Variants in EHMT1 observed in about 807,000 individuals in gnomAD.
EHMT1 encodes euchromatic histone lysine methyltransferase 1, also known as histone-lysine N-methyltransferase EHMT1.
Under a neutral mutation model 147.2 loss-of-function variants are expected in EHMT1, and 15 were observed. That is an observed-to-expected ratio of 0.10 (90% CI 0.07 to 0.16). The LOEUF (loss-of-function observed/expected upper bound fraction) is 0.16. EHMT1 is among the 10% of genes least tolerant of loss of function. The pLI is 1.00. For missense variants in EHMT1, 1,587 were observed against 1,772.4 expected, an observed-to-expected ratio of 0.90 and a Z score of 1.88; for synonymous variants, 795 against 709.6, an observed-to-expected ratio of 1.12 and a Z score of -1.91.
At chr9:137,768,801 C>T (rs1950410954) in intron 10 of EHMT1, among the ~76,000 whole-genome samples, 1 of 151,814 alleles carries the variant, frequency 6.6e-6, no homozygotes, top group South Asian at 2.1e-4. Context: ...CCGCCCGCCT[C>T]GGCCTCCCAA....
At position 137,716,899 on chromosome 9, in the gene EHMT1, T is replaced by G. The variant is rs1405197577; in HGVS notation, c.359T>G (p.Ile120Ser). The change falls in exon 3 of 27, where the codon ATC becomes AGC. Residue 120 changes from isoleucine to serine, a missense_variant. Transcript: ENST00000460843. ...TADDFVQTSV[I>S]GSNGYILNKP... is the part of the protein sequence containing the mutation. The stretch of plus-strand genomic sequence containing the variant: ...GACGACTTTGTGCAGACTTCTGTCA[T>G]CGGCAGCAACGGATACATCTTAAAT... The G allele has an allele frequency of 6.2e-7, 1 of 1,613,100 alleles. No homozygotes were observed. The highest frequency in any genetic ancestry group is 8.5e-7 in the Non-Finnish European group (1 of 1,179,860).
chr9:137,762,984 T>G, intron 10 of EHMT1, 164 bp downstream of exon 10: 3 of 857,680 alleles, frequency 3.5e-6, no homozygotes, highest in Non-Finnish European at 5.7e-6. Flanking sequence ...AACAGTGAAA[T>G]CACGGCAGAT....
At chr9:137,792,213 A>C (rs1952579810) in intron 16 of EHMT1, 3 of 408,402 alleles carry the variant, frequency 7.3e-6, no homozygotes, top group African/African-American at 2.1e-5. Flanking sequence ...GCATAAAGAC[A>C]GAAATAGAGA....
intron 14 of EHMT1, among the ~76,000 whole-genome samples, chr9:137,780,987 G>C (rs1201300167): frequency 8.2e-6 from 1 of 121,884 alleles, no homozygotes; most frequent in Non-Finnish European, 1.7e-5. Context: ...GATGACGCTG[G>C]GATGTGTGGT....
chr9:137,683,416 C>T (rs890611538), intron 1 of EHMT1, among the ~76,000 whole-genome samples: 1 of 152,170 alleles, frequency 6.6e-6, no homozygotes, highest in African/African-American at 2.4e-5. Context: ...CATGTATAAC[C>T]TTCCAAACAT....
chr9:137,798,692 T>C, intron 16 of EHMT1, 121 bp from the exon 17 acceptor site: 1 of 836,216 alleles, frequency 1.2e-6, no homozygotes, highest in Non-Finnish European at 2.1e-6. Context: ...TCCTTGTCAT[T>C]TGAGCAGGAC....
intron 1 of EHMT1, among the ~76,000 whole-genome samples, chr9:137,705,145 ACTC>A (rs1201392249): frequency 2.0e-5 from 3 of 151,684 alleles, no homozygotes; most frequent in African/African-American, 7.3e-5. Context: ...GTGTGCCACC[ACTC>A]CTAGCTAATT....
At position 137,679,906 on chromosome 9, in the gene EHMT1, A is replaced by T. The variant is rs530049990; in HGVS notation, c.22-31061A>T. On this transcript the variant is annotated intron_variant, in intron 1 of 26. Transcript: ENST00000460843. Reference sequence around the variant, plus strand: ...GGTATTTTTTCCTGCTGTTTTTGTGATTTATTGTTTTATGATTCTTTCACT... The same window carrying T: ...GGTATTTTTTCCTGCTGTTTTTGTGTTTTATTGTTTTATGATTCTTTCACT... Among the ~76,000 whole-genome samples the T allele has an allele frequency of 2.6e-5, 4 of 151,748 alleles. No individual in the cohort carries two copies. In the East Asian group the frequency reaches 7.8e-4, roughly 29 times the overall value.
intron 1 of EHMT1, among the ~76,000 whole-genome samples, chr9:137,645,494 G>T (rs538829779): frequency 1.3e-5 from 2 of 152,206 alleles, no homozygotes; most frequent in Non-Finnish European, 2.9e-5. Context: ...ACTTACAGAA[G>T]CCCTTGTGTC....
At position 137,758,003 on chromosome 9, in the gene EHMT1, A is replaced by G. The variant is rs1949510530; in HGVS notation, c.1493A>G (p.Gln498Arg). The change falls in exon 9 of 27, where the codon CAA becomes CGA. Residue 498 changes from glutamine to arginine, a missense_variant. Physicochemically the swap from Gln to Arg is conservative, Grantham distance 43. Coordinates refer to ENST00000460843, the MANE Select transcript of EHMT1 (RefSeq NM_024757.5). Reference protein sequence around the residue: ...DLRVKGILSSQAEGLANGPDV... With the variant: ...DLRVKGILSSRAEGLANGPDV... Reference sequence around the variant, plus strand: ...CGAGTCAAAGGAATTCTGTCTTCACAAGCAGAAGGTGAATGTGGTGGTGTA... The same window carrying G: ...CGAGTCAAAGGAATTCTGTCTTCACGAGCAGAAGGTGAATGTGGTGGTGTA... 2 of 1,613,884 alleles carry G rather than the reference A, an allele frequency of 1.2e-6. No individual in the cohort carries two copies. The highest frequency in any genetic ancestry group is 1.3e-5 in the African/African-American group (1 of 74,880).
chr9:137,728,504 C>T lies in EHMT1; in HGVS notation c.798C>T (p.Tyr266=). ...LHQSLPQNQC[Y]MATTKSQTAC... ...AGTCGCTACCTCAGAACCAGTGCTACATGGCCACCACAAAATCACAGACAG... is the reference window on the plus strand; with the variant it reads ...AGTCGCTACCTCAGAACCAGTGCTATATGGCCACCACAAAATCACAGACAG... The change falls in exon 4 of 27, where the codon TAC becomes TAT. Residue 266 remains tyrosine, a synonymous_variant. Transcript: ENST00000460843. The T allele has an allele frequency of 6.2e-7, 1 of 1,614,188 alleles. No individual in the cohort carries two copies. The highest frequency in any genetic ancestry group is 1.1e-5 in the South Asian group (1 of 91,082).
intron 1 of EHMT1, among the ~76,000 whole-genome samples, chr9:137,628,387 C>T (rs1384627988): frequency 6.6e-6 from 1 of 152,126 alleles, no homozygotes; most frequent in African/African-American, 2.4e-5. Flanking sequence ...AAGAGAGGAT[C>T]AGAATCAATT....
chr9:137,760,337 T>C (rs748726533), intron 9 of EHMT1, among the ~76,000 whole-genome samples: 4 of 152,220 alleles, frequency 2.6e-5, no homozygotes, highest in Non-Finnish European at 5.9e-5. Flanking sequence ...TGTTGGCCAG[T>C]GCTGTGGTAG....
chr9:137,834,270 C>T (rs975651877), intron 25 of EHMT1, 79 bp from the exon 26 acceptor site: 83 of 1,575,786 alleles, frequency 5.3e-5, no homozygotes, highest in Non-Finnish European at 6.8e-5. Flanking sequence ...TCCGGGACTG[C>T]CATGCATGGC....
Position 137,798,663 on chromosome 9 carries a change from C to T in EHMT1, c.2506-150C>T, listed in dbSNP as rs541649623. Reference sequence around the variant, plus strand: ...ACAGCGCTTGGACCTCGGCTGTTCCCTCGGCCTCAGCCTGGGTTTCCTTGT... The same window carrying T: ...ACAGCGCTTGGACCTCGGCTGTTCCTTCGGCCTCAGCCTGGGTTTCCTTGT... On this transcript the variant is annotated intron_variant, in intron 16 of 26. Transcript: ENST00000460843. 1.9e-4 allele frequency: 139 copies of T among 725,446 alleles called. No homozygotes were observed. The African/African-American group carries it at 2.0e-3, about 11-fold the overall frequency. 44.9% of individuals were successfully genotyped at this position (725,446 alleles called of 1,614,324 possible). A position where few individuals can be genotyped will look rare whatever the true frequency, so the allele number is the denominator to read the frequency against.
chr9:137,656,730 T>G (rs1938490644), intron 1 of EHMT1, among the ~76,000 whole-genome samples: 1 of 152,120 alleles, frequency 6.6e-6, no homozygotes, highest in South Asian at 2.1e-4. Flanking sequence ...CTTCCTTTTT[T>G]TTTTTAATTT....
chr9:137,782,404 C>T lies in EHMT1; in HGVS notation c.2382+7C>T, dbSNP rs541536081. 6.2e-5 allele frequency: 99 copies of T among 1,603,166 alleles called. No homozygotes were observed. The highest frequency in any genetic ancestry group is 5.4e-4 in the South Asian group (49 of 90,348). ...CTGCCACATGCTGGTTCAGGTGCGG[C>T]GGCACGGCGCCCTCCTAGGGCTCTT... is the stretch of plus-strand genomic sequence containing the variant. On this transcript the variant is annotated splice_region_variant and intron_variant, in intron 15 of 26. Coordinates refer to ENST00000460843, the MANE Select transcript of EHMT1 (RefSeq NM_024757.5). This position sits in a 1 kb window ranked among gnomAD's most constrained non-coding sequence, Gnocchi z 5.7.
At chr9:137,753,873 A>G (rs1949177279) in intron 7 of EHMT1, among the ~76,000 whole-genome samples, 1 of 152,150 alleles carries the variant, frequency 6.6e-6, no homozygotes, top group Non-Finnish European at 1.5e-5. Flanking sequence ...TTAGTTCCTG[A>G]GTAGAACTTT....
At chr9:137,669,414 CCACG>C (rs1198655702) in intron 1 of EHMT1, among the ~76,000 whole-genome samples, 125 of 32,756 alleles carry the variant, frequency 3.8e-3, no homozygotes, top group African/African-American at 0.01. Context: ...CACGTGCACT[CCACG>C]ACTGCACCCA....
Sources: gnomAD v4.1 joint callset for allele counts (sites outside exome capture counted in the v4.1 genomes callset) on GRCh38, gnomAD v4.1.1 for gene constraint, Gnocchi (gnomAD v3.1) non-coding constraint, MANE v1.5 for transcripts, NCBI Gene and HGNC (gene_info 2026-07-23, HGNC 2026-07-21) for gene names.